SEC14L3: variants seen among roughly 807,000 people sequenced by gnomAD.
SEC14L3 encodes the protein SEC14-like protein 3.
In SEC14L3, 56 loss-of-function variants were observed where a neutral mutation model predicts 57.4. The observed-to-expected ratio is 0.97, with a 90% CI of 0.79 to 1.22. The LOEUF (loss-of-function observed/expected upper bound fraction) is 1.22, where lower values mean the gene tolerates loss of function less well. Ranked by LOEUF, SEC14L3 falls within the 50% of genes most tolerant of loss-of-function variation. SEC14L3 has a pLI of 0.00. For missense variants in SEC14L3, 485 were observed against 511.7 expected, an observed-to-expected ratio of 0.95 and a Z score of 0.50; for synonymous variants, 173 against 194.4, an observed-to-expected ratio of 0.89 and a Z score of 0.92.
chr22:30,451,887 G>A (rs1314008332), intron 12 of SEC14L3, among the ~76,000 whole-genome samples: 1 of 150,472 alleles, frequency 6.6e-6, no homozygotes. Context: ...AGCTACTCGG[G>A]AGGCTGAGGC....
chr22:30,467,152 C>A, intron 5 of SEC14L3, 75 bp from the exon 6 acceptor site: 6 of 1,594,764 alleles, frequency 3.8e-6, no homozygotes, highest in Non-Finnish European at 4.3e-6. Context: ...AAGTACATGA[C>A]CCCTTGGGGC....
At position 30,461,105 on chromosome 22, in the gene SEC14L3, G is replaced by A. The variant is rs571061245; in HGVS notation, c.1081+205C>T. Among the ~76,000 whole-genome samples the A allele has an allele frequency of 4.9e-4, 75 of 152,314 alleles. 1 individual carries two copies. The highest frequency in any genetic ancestry group is 8.8e-5 in the Non-Finnish European group (6 of 68,020). ...GGTCCAGGTGTCCCCAATTCCTTCAGGGCCTGTATGTCTCTGGCTCCTGGT... is the reference window on the plus strand; with the variant it reads ...GGTCCAGGTGTCCCCAATTCCTTCAAGGCCTGTATGTCTCTGGCTCCTGGT... On this transcript the variant is annotated intron_variant, in intron 11 of 11. Transcript: ENST00000215812.
rs929391169 is a variant in SEC14L3, at chr22:30,471,391, C to G, written c.54+514G>C. On this transcript the variant is annotated intron_variant, in intron 1 of 11. Transcript: ENST00000215812. ...CTCCATGTGTTAGCCCTCAAAACAT[C>G]TGCTTTTTTTCATCCCATCTTCTAT... is the stretch of plus-strand genomic sequence containing the variant. 4.0e-5 allele frequency: 16 copies of G among 400,232 alleles called. No individual in the cohort carries two copies. In the Admixed American group the frequency reaches 5.3e-4, roughly 13 times the overall value. The allele number at this position is 400,232 out of a possible 1,614,324, so 24.8% of individuals were successfully genotyped here.
At chr22:30,466,280 A>T in intron 7 of SEC14L3, 54 bp downstream of exon 7, 1 of 1,524,084 alleles carries the variant, frequency 6.6e-7, no homozygotes, top group Non-Finnish European at 9.1e-7. Context: ...TATCACCCTC[A>T]GCGTACAGAT....
chr22:30,458,781 G>A (rs1366042924), downstream of SEC14L3, among the ~76,000 whole-genome samples: 1 of 152,130 alleles, frequency 6.6e-6, no homozygotes, highest in Non-Finnish European at 1.5e-5. Context: ...GAGGCTGATG[G>A]GGGGTAAATC....
downstream of SEC14L3, among the ~76,000 whole-genome samples, chr22:30,458,829 C>T (rs1418889504): frequency 7.0e-6 from 1 of 143,488 alleles, no homozygotes; most frequent in Non-Finnish European, 1.5e-5. Flanking sequence ...TGGGGAAACC[C>T]CATCTCTACA....
rs781573559 is a variant in SEC14L3, at chr22:30,461,492, G to A, written c.912-13C>T. On this transcript the variant is annotated splice_polypyrimidine_tract_variant and intron_variant, in intron 10 of 11. Transcript: ENST00000215812. ...TGAGAACTGCCACCTGTCAGGGGGA[G>A]GGGGAGGAGACAGGTTGCTGCTCAG... 3 of 1,612,760 alleles carry A rather than the reference G, an allele frequency of 1.9e-6. No individual in the cohort carries two copies. The highest frequency in any genetic ancestry group is 2.7e-5 in the African/African-American group (2 of 74,730).
In SEC14L3 at chr22:30,471,891, G is replaced by A. The variant is rs576751157; in HGVS notation, c.54+14C>T. On this transcript the variant is annotated intron_variant, in intron 1 of 11. Coordinates refer to ENST00000215812, the MANE Select transcript of SEC14L3 (RefSeq NM_174975.5). ...CCCCTGGTCTTCCGGAACTCCAGGG[G>A]GAGGGGCTCTCACCTTGGCCAGGGT... 4 of 1,613,376 alleles carry A rather than the reference G, an allele frequency of 2.5e-6. No homozygotes were observed. The African/African-American group carries it at 4.0e-5, about 16-fold the overall frequency.
chr22:30,454,514 A>C (rs1935044789), downstream of SEC14L3, among the ~76,000 whole-genome samples: 1 of 124,910 alleles, frequency 8.0e-6, no homozygotes, highest in Non-Finnish European at 1.6e-5. Flanking sequence ...AATCTATAAT[A>C]ATATTATTAT....
At chr22:30,457,228 A>G (rs1291380353), downstream of SEC14L3, among the ~76,000 whole-genome samples, 1 of 152,068 alleles carries the variant, frequency 6.6e-6, no homozygotes, top group Non-Finnish European at 1.5e-5. Flanking sequence ...CCGTCTTCCA[A>G]GAAGGTGAAC....
chr22:30,449,028 G>C, exon 13 of SEC14L3: 1 of 1,500,762 alleles, frequency 6.7e-7, no homozygotes, highest in Admixed American at 2.0e-5. Flanking sequence ...GAATTAACTG[G>C]AGACCACGTA....
intron 8 of SEC14L3, among the ~76,000 whole-genome samples, chr22:30,464,157 CT>C (rs1935347054): frequency 6.6e-6 from 1 of 152,126 alleles, no homozygotes; most frequent in African/African-American, 2.4e-5. Flanking sequence ...CTTGTTGGGT[CT>C]CCTTTCTCTG....
intron 12 of SEC14L3, among the ~76,000 whole-genome samples, chr22:30,451,393 C>T (rs930855555): frequency 3.3e-5 from 5 of 152,154 alleles, no homozygotes; most frequent in African/African-American, 1.2e-4. Flanking sequence ...GTGGCAGGTC[C>T]GATGACAGGT....
Position 30,470,045 on chromosome 22 carries a change from G to T in SEC14L3, c.208C>A (p.His70Asn), listed in dbSNP as rs770170813. 2.5e-6 allele frequency: 4 copies of T among 1,588,750 alleles called. No individual in the cohort carries two copies. Among genetic ancestry groups the T allele is most frequent in the Admixed American group, 1.7e-5 (1 of 57,186 alleles). ...TCTGGGGGCTGCCAATCAAGGATAT[G>T]GTCAATATCCATGGTCTTCCGGAAC... ...MEFRKTMDID[H>N]ILDWQPPEVI... Residue 70 changes from histidine to asparagine, a missense_variant, in exon 4 of 12, where the codon CAT (histidine) becomes AAT (asparagine). By Grantham distance (68) the His-to-Asn change is moderately conservative. Coordinates refer to ENST00000215812, the MANE Select transcript of SEC14L3 (RefSeq NM_174975.5).
rs1354696699 is a variant in SEC14L3 at position 30,461,442 on chromosome 22, C to T, written c.949G>A (p.Gly317Arg). 37 of 1,613,790 alleles carry T rather than the reference C, an allele frequency of 2.3e-5. No individual in the cohort carries two copies. Among genetic ancestry groups the T allele is most frequent in the East Asian group, 4.5e-5 (2 of 44,886 alleles). Residue 317 changes from glycine (G) to arginine (R), a missense_variant, in exon 11 of 12, where the codon GGA becomes AGA. Physicochemically the swap from Gly to Arg is moderately radical, Grantham distance 125. Transcript: ENST00000215812. ...CCCATCTTGGTCTTCAGGAAAACTC[C>T]GAAGCCGATGTCCGCACCATCAGAT... ...FSSDGADIGF[G>R]VFLKTKMGER...
downstream of SEC14L3, among the ~76,000 whole-genome samples, chr22:30,454,587 T>TTATATATAATCTATAATAA (rs1569225024): frequency 4.0e-4 from 29 of 72,674 alleles, no homozygotes; most frequent in African/African-American, 1.8e-3. Flanking sequence ...TATAATAATA[T>TTATATATAATCTATAATAA]TATTATATAT....
chr22:30,452,907 G>A (rs1935015966), intron 12 of SEC14L3, among the ~76,000 whole-genome samples: 1 of 151,748 alleles, frequency 6.6e-6, no homozygotes, highest in Admixed American at 6.6e-5. Flanking sequence ...TGTAGAGATG[G>A]GGTTTTCACC....
chr22:30,470,393 T>C (rs2269964), intron 2 of SEC14L3, 114 bp downstream of exon 2: 380,801 of 1,596,742 alleles, frequency 0.24, 46,370 homozygotes, highest in East Asian at 0.32. Context: ...GACCTGAACA[T>C]GTGAAGCAAG....
downstream of SEC14L3, among the ~76,000 whole-genome samples, chr22:30,455,065 A>G (rs1408285746): frequency 3.4e-5 from 1 of 29,264 alleles, no homozygotes; most frequent in Non-Finnish European, 4.8e-5. Flanking sequence ...TATATTATAT[A>G]TAATATATAA....
Sources: gnomAD v4.1 joint callset for allele counts (sites outside exome capture counted in the v4.1 genomes callset) on GRCh38, gnomAD v4.1.1 for gene constraint, MANE v1.5 for transcripts, NCBI Gene and HGNC (gene_info 2026-07-23, HGNC 2026-07-21) for gene names.